Variants in SURF4 observed in about 807,000 individuals in gnomAD.
SURF4 encodes the protein surfeit locus protein 4.
In SURF4, 3 loss-of-function variants were observed where a neutral mutation model predicts 30.0. That is an observed-to-expected ratio of 0.10 (90% confidence interval 0.05 to 0.26). SURF4 has a LOEUF of 0.26. Ranked by LOEUF, SURF4 falls within the 10% of genes least tolerant of loss-of-function variation. The pLI, the probability that SURF4 is intolerant of heterozygous loss-of-function variation, is 1.00. For missense variants in SURF4, 217 were observed against 350.8 expected (o/e 0.62, Z 3.05); for synonymous variants, 143 against 139.9 (o/e 1.02, Z -0.16).
At chr9:133,365,272 T>A (rs1218472860) in intron 4 of SURF4, among the ~76,000 whole-genome samples, 1 of 152,190 alleles carries the variant, frequency 6.6e-6, no homozygotes, top group Non-Finnish European at 1.5e-5. Context: ...AGTGACAGGC[T>A]ACCTGAACAC....
chr9:133,363,204 A>G lies in SURF4; in HGVS notation c.*289T>C. The G allele has an allele frequency of 3.3e-6, 2 of 612,870 alleles. No homozygotes were observed. The highest frequency in any genetic ancestry group is 3.9e-5 in the South Asian group (2 of 51,088). 38.0% of individuals were successfully genotyped at this position (612,870 alleles called of 1,614,324 possible). ...ACAAAAAAACTCAAAAATAGGACTGAGATGCCACAGCCAAGCGGGCTGTTC... is the reference window on the plus strand; with the variant it reads ...ACAAAAAAACTCAAAAATAGGACTGGGATGCCACAGCCAAGCGGGCTGTTC... On this transcript the variant is annotated 3_prime_UTR_variant, in exon 6 of 6. Coordinates refer to ENST00000371989, the MANE Select transcript of SURF4 (RefSeq NM_033161.4). The surrounding 1 kb of genome is among the most constrained non-coding windows in gnomAD (Gnocchi z 4.3).
chr9:133,376,316 A>C, upstream of SURF4: 1 of 1,351,528 alleles, frequency 7.4e-7, no homozygotes. Flanking sequence ...CGTCCCTTTT[A>C]AGGGGGCGGG....
At chr9:133,376,162 G>C (rs909956303), upstream of SURF4, 8 of 1,225,970 alleles carry the variant, frequency 6.5e-6, no homozygotes, top group Non-Finnish European at 8.1e-6. Flanking sequence ...GCCCCGGTGC[G>C]TCTTAAAGGG....
At chr9:133,375,838 G>T in intron 1 of SURF4, 84 bp downstream of exon 1, 1 of 1,191,512 alleles carries the variant, frequency 8.4e-7, no homozygotes, top group Non-Finnish European at 1.0e-6. Context: ...CGGGCCTGGC[G>T]CCCTGCGCTG....
Position 133,362,319 on chromosome 9 carries a change from G to C in SURF4, c.*1174C>G, listed in dbSNP as rs2130073451. On this transcript the variant is annotated 3_prime_UTR_variant, in exon 6 of 6. Transcript: ENST00000371989. ...ACAAGCAGTTAAGCTCCCCCAAAAAGAGAAACACAGTATAAGGCAGTGTTA... is the reference window on the plus strand; with the variant it reads ...ACAAGCAGTTAAGCTCCCCCAAAAACAGAAACACAGTATAAGGCAGTGTTA... 3 of 152,760 alleles carry C rather than the reference G, an allele frequency of 2.0e-5. No individual in the cohort carries two copies. In the East Asian group the frequency reaches 5.8e-4, roughly 29 times the overall value. The allele number at this position is 152,760 out of a possible 1,614,324, so 9.5% of individuals were successfully genotyped here.
chr9:133,376,311 C>T (rs2130246716), upstream of SURF4: 759 of 1,356,352 alleles, frequency 5.6e-4, no homozygotes, highest in Middle Eastern at 2.7e-3. Context: ...GAACGCGTCC[C>T]TTTTAAGGGG....
rs143262430 is a variant in SURF4, at chr9:133,367,669, C to T, written c.49-224G>A. On this transcript the variant is annotated intron_variant, in intron 1 of 5. Coordinates refer to ENST00000371989, the MANE Select transcript of SURF4 (RefSeq NM_033161.4). ...CATGCAACAATCCAAGGATCAGTCC[C>T]GGAGATGCATGACTTGACGTTAGGC... 2,473 of 1,277,016 alleles carry T rather than the reference C, an allele frequency of 1.9e-3. 26 individuals are homozygous for T. In the African/African-American group the frequency reaches 0.026, roughly 14 times the overall value. The allele number at this position is 1,277,016 out of a possible 1,614,324, so 79.1% of individuals were successfully genotyped here. A position where few individuals can be genotyped will look rare whatever the true frequency, so the allele number is the denominator to read the frequency against.
chr9:133,363,340 G>A lies in SURF4; in HGVS notation c.*153C>T, dbSNP rs1836940640. On this transcript the variant is annotated 3_prime_UTR_variant, in exon 6 of 6. Transcript: ENST00000371989. This position sits in a 1 kb window ranked among gnomAD's most constrained non-coding sequence, Gnocchi z 4.3. ...CAGACTGAGCCATCGATTCTCAGGTGTCTCTGCAAATAAAGTTCTCAAAAC... is the reference window on the plus strand; with the variant it reads ...CAGACTGAGCCATCGATTCTCAGGTATCTCTGCAAATAAAGTTCTCAAAAC... 3 of 1,241,124 alleles carry A rather than the reference G, an allele frequency of 2.4e-6. No individual in the cohort carries two copies. The highest frequency in any genetic ancestry group is 5.0e-5 in the East Asian group (2 of 39,636). The allele number at this position is 1,241,124 out of a possible 1,614,324, so 76.9% of individuals were successfully genotyped here. A position where few individuals can be genotyped will look rare whatever the true frequency, so the allele number is the denominator to read the frequency against.
chr9:133,362,573 G>C lies in SURF4; in HGVS notation c.*920C>G, dbSNP rs974813995. On this transcript the variant is annotated 3_prime_UTR_variant, in exon 6 of 6. Coordinates refer to ENST00000371989, the MANE Select transcript of SURF4 (RefSeq NM_033161.4). Reference sequence around the variant, plus strand: ...CTTGCTCAGAAAAGGCCCCATGTGAGGTAACTGGGTTGAGTCCGTGGGTCT... The same window carrying C: ...CTTGCTCAGAAAAGGCCCCATGTGACGTAACTGGGTTGAGTCCGTGGGTCT... The C allele has an allele frequency of 6.5e-6, 1 of 152,690 alleles. No individual in the cohort carries two copies. The highest frequency in any genetic ancestry group is 2.4e-5 in the African/African-American group (1 of 41,434). 9.5% of individuals were successfully genotyped at this position (152,690 alleles called of 1,614,324 possible). A position where few individuals can be genotyped will look rare whatever the true frequency, so the allele number is the denominator to read the frequency against.
intron 1 of SURF4, among the ~76,000 whole-genome samples, chr9:133,375,018 G>A (rs1468685434): frequency 6.6e-6 from 1 of 152,190 alleles, no homozygotes; most frequent in Non-Finnish European, 1.5e-5. Context: ...TTAATTTGTC[G>A]ACATAACGGG....
chr9:133,372,564 G>A, intron 1 of SURF4: 2 of 982,596 alleles, frequency 2.0e-6, no homozygotes, highest in Non-Finnish European at 2.4e-6. Flanking sequence ...GGAAGACACT[G>A]GGCCTGGGAA....
At chr9:133,371,998 T>C (rs1333786443) in intron 1 of SURF4, among the ~76,000 whole-genome samples, 1 of 152,268 alleles carries the variant, frequency 6.6e-6, no homozygotes, top group Non-Finnish European at 1.5e-5. Flanking sequence ...CTAATATTGC[T>C]GTTTATGGGT....
upstream of SURF4, chr9:133,376,279 T>TGCGGTCCCTCCCGGCCCG (rs1837936145): frequency 7.6e-7 from 1 of 1,317,494 alleles, no homozygotes; most frequent in African/African-American, 1.6e-5. Flanking sequence ...GCGCAGGCCC[T>TGCGGTCCCTCCCGGCCCG]GCGGTCCCTC....
chr9:133,372,972 C>A (rs915936736), intron 1 of SURF4, among the ~76,000 whole-genome samples: 1 of 152,222 alleles, frequency 6.6e-6, no homozygotes, highest in Admixed American at 6.5e-5. Flanking sequence ...ACCACCTAGA[C>A]GGACTCTTAA....
At chr9:133,373,227 G>C (rs1201515139) in intron 1 of SURF4, among the ~76,000 whole-genome samples, 1 of 152,174 alleles carries the variant, frequency 6.6e-6, no homozygotes, top group East Asian at 1.9e-4. Context: ...TCAGTAACCT[G>C]GGAGAGGTCG....
chr9:133,372,115 C>A (rs2130194523), intron 1 of SURF4, among the ~76,000 whole-genome samples: 8 of 152,368 alleles, frequency 5.3e-5, no homozygotes, highest in African/African-American at 1.9e-4. Context: ...TTTCTGGACC[C>A]TTCCCATGGC....
At chr9:133,366,050 A>C (rs2130122947) in intron 3 of SURF4, 22 bp from the exon 4 acceptor site, 1 of 1,613,400 alleles carries the variant, frequency 6.2e-7, no homozygotes, top group East Asian at 2.2e-5. Context: ...GAAGAGAGAG[A>C]TACTTGAGTC....
intron 1 of SURF4, among the ~76,000 whole-genome samples, chr9:133,372,366 G>C (rs587593698): frequency 6.6e-6 from 1 of 152,208 alleles, no homozygotes; most frequent in African/African-American, 2.4e-5. Flanking sequence ...GAGGAACCCA[G>C]CCTTTGGGGT....
rs2130124105 is a variant in SURF4 at position 133,366,161 on chromosome 9, G to A, written c.313-133C>T. 3.2e-5 allele frequency: 27 copies of A among 849,954 alleles called. No homozygotes were observed. In the East Asian group the frequency reaches 4.6e-4, roughly 15 times the overall value. 52.7% of individuals were successfully genotyped at this position (849,954 alleles called of 1,614,324 possible). On this transcript the variant is annotated intron_variant, in intron 3 of 5. Coordinates refer to ENST00000371989, the MANE Select transcript of SURF4 (RefSeq NM_033161.4). ...ACACACAAAACCATTGTAGGAGACC[G>A]AGGACAGATCTAAGCTCAAAAATGT...
Sources: allele counts gnomAD v4.1 joint callset (sites outside exome capture counted in the v4.1 genomes callset), GRCh38; gene constraint gnomAD v4.1.1; non-coding constraint Gnocchi (gnomAD v3.1); transcripts MANE v1.5; gene names NCBI Gene and HGNC (gene_info 2026-07-23, HGNC 2026-07-21).